The following RAB17 variants were observed in gnomAD, a reference collection of about 807,000 sequenced individuals.
RAB17 encodes the protein ras-related protein Rab-17.
In RAB17, 15 loss-of-function variants were observed where a neutral mutation model predicts 19.3. The ratio of observed to expected loss-of-function variants is 0.78; its 90% CI spans 0.52 to 1.20. RAB17 has a LOEUF of 1.20. Among genes scored for constraint, RAB17 ranks in the 50% most tolerant of loss-of-function variants. The probability of loss-of-function intolerance (pLI) is 0.00; values close to 1 mark genes in which losing one functional copy is unlikely to be tolerated. For missense variants in RAB17, 262 were observed against 269.3 expected, an observed-to-expected ratio of 0.97 and a Z score of 0.19; for synonymous variants, 110 against 112.8, an observed-to-expected ratio of 0.97 and a Z score of 0.16.
At chr2:237,575,356 C>T in intron 5 of RAB17, 31 bp downstream of exon 5, 1 of 1,558,228 alleles carries the variant, frequency 6.4e-7, no homozygotes, top group South Asian at 1.1e-5. Context: ...AAGCACCTCC[C>T]CCTTGTCTGG....
chr2:237,575,232 C>T, intron 5 of RAB17, 104 bp from the exon 6 acceptor site: 1 of 1,111,886 alleles, frequency 9.0e-7, no homozygotes, highest in Non-Finnish European at 1.3e-6. Flanking sequence ...TGTGTTTACC[C>T]TGAACCATAG....
At chr2:237,576,453 G>A (rs1037594035) in intron 4 of RAB17, 13 of 395,158 alleles carry the variant, frequency 3.3e-5, no homozygotes, top group South Asian at 1.3e-4. Context: ...AACTTGCAAC[G>A]AGGGCTCAGA....
chr2:237,584,663 C>A (rs763857425), intron 2 of RAB17, among the ~76,000 whole-genome samples: 3 of 152,178 alleles, frequency 2.0e-5, no homozygotes, highest in Non-Finnish European at 4.4e-5. Context: ...TGGCCTGACA[C>A]CTGCTGCCTC....
intron 1 of RAB17, among the ~76,000 whole-genome samples, chr2:237,587,575 A>C (rs939143061): frequency 1.3e-5 from 2 of 152,214 alleles, no homozygotes; most frequent in African/African-American, 4.8e-5. Context: ...ATCTCAAAAC[A>C]AATAGGACTG....
chr2:237,581,373 TAA>T lies in RAB17; in HGVS notation c.158-3220_158-3219del, dbSNP rs78563937. On this transcript the variant is annotated intron_variant, in intron 2 of 5. Coordinates refer to ENST00000264601, the MANE Select transcript of RAB17 (RefSeq NM_022449.4). ...TGGGCAACAGAATGAGACGCCATCT[TAA>T]AAAAAAAAAAAAAAGTTCCTCTACT... 3.0e-3 allele frequency among the ~76,000 whole-genome samples: 419 copies of T among 140,646 alleles called. 2 individuals carry two copies. The highest frequency in any genetic ancestry group is 9.9e-3 in the African/African-American group (379 of 38,212). 92.3% of individuals were successfully genotyped at this position (140,646 alleles called of 152,430 possible). A position where few individuals can be genotyped will look rare whatever the true frequency, so the allele number is the denominator to read the frequency against.
At chr2:237,586,290 A>G in intron 1 of RAB17, 133 bp from the exon 2 acceptor site, 1 of 823,344 alleles carries the variant, frequency 1.2e-6, no homozygotes, top group Non-Finnish European at 1.8e-6. Context: ...GAGGCCACCT[A>G]GGTCCACACT....
intron 1 of RAB17, among the ~76,000 whole-genome samples, chr2:237,589,695 G>T (rs2081378081): frequency 6.6e-6 from 1 of 152,202 alleles, no homozygotes; most frequent in Non-Finnish European, 1.5e-5. Context: ...TCAAGATGGG[G>T]TTATTAGTAG....
chr2:237,574,453 G>A lies in RAB17; in HGVS notation c.*566C>T. ...TCAGCTTCACCACATTGCCAGCCGG[G>A]AGACCATGGAAGGGAACTGGCGCCA... On this transcript the variant is annotated 3_prime_UTR_variant, in exon 6 of 6. Transcript: ENST00000264601. 6.4e-7 allele frequency: 1 copy of A among 1,550,442 alleles called. No individual in the cohort carries two copies. Among genetic ancestry groups the A allele is most frequent in the Non-Finnish European group, 8.7e-7 (1 of 1,146,818 alleles).
intron 2 of RAB17, among the ~76,000 whole-genome samples, chr2:237,580,761 G>T (rs796548900): frequency 2.4e-4 from 36 of 151,994 alleles, no homozygotes; most frequent in African/African-American, 8.4e-4. Context: ...AAGAAGGGGG[G>T]GGAGGAGGGG....
Position 237,585,999 on chromosome 2 carries a change from GC to G in RAB17, c.155del (p.Gly52AlafsTer16). ...NDFKSILPTV[G>X]CAFFTKVVDV... ...AAGGGGTGCTCTGCCCTCACTTACAGCCCACCGTAGGCAGGATACTCTTGAA... is the reference window on the plus strand; with the variant it reads ...AAGGGGTGCTCTGCCCTCACTTACAGCCACCGTAGGCAGGATACTCTTGAA... On this transcript the variant is annotated frameshift_variant and splice_region_variant, in exon 2 of 6. Coordinates refer to ENST00000264601, the MANE Select transcript of RAB17 (RefSeq NM_022449.4). LOFTEE classifies it high-confidence loss of function. 6.2e-7 allele frequency: 1 copy of G among 1,602,604 alleles called. No individual in the cohort carries two copies. The highest frequency in any genetic ancestry group is 8.5e-7 in the Non-Finnish European group (1 of 1,174,576).
Position 237,575,416 on chromosome 2 carries a change from T to C in RAB17, c.500A>G (p.His167Arg), listed in dbSNP as rs747788987. Reference protein sequence around the residue: ...LFMETSAKLNHQVSEVFNTVA... With the variant: ...LFMETSAKLNRQVSEVFNTVA... ...TGTATTGAACACCTCCGACACCTGG[T>C]GGTTCAGTTTGGCCGAAGTTTCCAT... Residue 167 changes from histidine to arginine, a missense_variant, in exon 5 of 6, where the codon CAC becomes CGC. Physicochemically the swap from His to Arg is conservative, Grantham distance 29. Coordinates refer to ENST00000264601, the MANE Select transcript of RAB17 (RefSeq NM_022449.4). 2.3e-5 allele frequency: 37 copies of C among 1,612,154 alleles called. No homozygotes were observed. The highest frequency in any genetic ancestry group is 3.1e-5 in the Non-Finnish European group (36 of 1,179,532).
At chr2:237,582,000 G>A (rs185151312) in intron 2 of RAB17, among the ~76,000 whole-genome samples, 4 of 152,360 alleles carry the variant, frequency 2.6e-5, no homozygotes, top group East Asian at 1.9e-4. Context: ...TCCAGCCCCC[G>A]TCCCTGACAC....
chr2:237,586,451 G>A (rs184738017), intron 1 of RAB17, among the ~76,000 whole-genome samples: 9 of 152,232 alleles, frequency 5.9e-5, no homozygotes, highest in Admixed American at 1.3e-4. Flanking sequence ...TACATGTGAC[G>A]GTCTCAGGGC....
intron 1 of RAB17, among the ~76,000 whole-genome samples, chr2:237,586,846 A>G (rs1395521109): frequency 6.6e-6 from 1 of 152,198 alleles, no homozygotes. Flanking sequence ...CAGCTCAGCC[A>G]TTTGTATCAC....
chr2:237,586,010 G>T lies in RAB17; in HGVS notation c.145C>A (p.Pro49Thr), dbSNP rs764968023. 9.3e-6 allele frequency: 15 copies of T among 1,609,152 alleles called. No homozygotes were observed. Among genetic ancestry groups the T allele is most frequent in the African/African-American group, 1.3e-5 (1 of 74,664 alleles). The change falls in exon 2 of 6, where the codon CCT becomes ACT. Residue 49 changes from proline (P) to threonine (T), a missense_variant. Physicochemically the swap from Pro to Thr is conservative, Grantham distance 38 (BLOSUM62 -1). Coordinates refer to ENST00000264601, the MANE Select transcript of RAB17 (RefSeq NM_022449.4). ...YVKNDFKSILPTVGCAFFTKV... is the reference protein window; with the variant it reads ...YVKNDFKSILTTVGCAFFTKV... ...TGCCCTCACTTACAGCCCACCGTAG[G>T]CAGGATACTCTTGAAGTCGTTCTTC...
rs1268273086 is a variant in RAB17, at chr2:237,578,069, T to G, written c.244A>C (p.Ser82Arg). 1.2e-6 allele frequency: 2 copies of G among 1,613,928 alleles called. No homozygotes were observed. The highest frequency in any genetic ancestry group is 2.2e-5 in the South Asian group (2 of 91,072). ...CCCCTGAAGTAGAGGTGGCAGACGC[T>G]GTGGTACTTCTCCTGGCCAGCTGTG... ...WDTAGQEKYH[S>R]VCHLYFRGAN... Residue 82 changes from serine (S) to arginine (R), a missense_variant, in exon 3 of 6, where the codon AGC becomes CGC. Transcript: ENST00000264601.
chr2:237,583,872 C>T (rs2081327754), intron 2 of RAB17, among the ~76,000 whole-genome samples: 1 of 152,076 alleles, frequency 6.6e-6, no homozygotes, highest in Non-Finnish European at 1.5e-5. Flanking sequence ...GGGGATGGCC[C>T]CTGCGGGGCC....
intron 3 of RAB17, chr2:237,577,621 A>G (rs993954509): frequency 9.8e-6 from 5 of 509,826 alleles, no homozygotes; most frequent in African/African-American, 3.8e-5. Flanking sequence ...CACCCTGACC[A>G]GGCCCAGGAG....
Position 237,575,023 on chromosome 2 carries a change from TG to T in RAB17, c.634del (p.His212ThrfsTer26). On this transcript the variant is annotated frameshift_variant, in exon 6 of 6. Coordinates refer to ENST00000264601, the MANE Select transcript of RAB17 (RefSeq NM_022449.4). LOFTEE classifies it high-confidence loss of function. ...GPARQAKCCA[H>X] ...AGCCCCCAGGAGTGGCTGCACCTAG[TG>T]GGCGCAGCATTTGGCCTGCCTCGCG... 6.2e-7 allele frequency: 1 copy of T among 1,608,990 alleles called. No homozygotes were observed. The highest frequency in any genetic ancestry group is 1.1e-5 in the South Asian group (1 of 89,960).
Sources: gnomAD v4.1 joint callset for allele counts (sites outside exome capture counted in the v4.1 genomes callset) on GRCh38, gnomAD v4.1.1 for gene constraint, MANE v1.5 for transcripts, NCBI Gene and HGNC (gene_info 2026-07-23, HGNC 2026-07-21) for gene names.